LY96: variants seen among roughly 807,000 people sequenced by gnomAD.
LY96 encodes myeloid differentiation protein-2.
In LY96, 18 loss-of-function variants were observed where a neutral mutation model predicts 18.9. The ratio of observed to expected loss-of-function variants is 0.95; its 90% CI spans 0.66 to 1.41. LY96 has a LOEUF of 1.41. Ranked by LOEUF, LY96 falls within the 40% of genes most tolerant of loss-of-function variation. The pLI, the probability that LY96 is intolerant of heterozygous loss-of-function variation, is 0.00. For missense variants in LY96, 175 were observed against 182.4 expected (o/e 0.96, Z 0.23); for synonymous variants, 66 against 62.6 (o/e 1.06, Z -0.26).
chr8:74,034,899 A>T, the LY96 span, among the ~76,000 whole-genome samples: 6 of 152,206 alleles, frequency 3.9e-5, no homozygotes, highest in Non-Finnish European at 8.8e-5. Context: ...ATGCCTAAAC[A>T]GCCAGTAAAA....
chr8:74,015,258 G>A (rs568286475), intron 3 of LY96, among the ~76,000 whole-genome samples: 1 of 152,294 alleles, frequency 6.6e-6, no homozygotes, highest in East Asian at 1.9e-4. Context: ...TGCTGGGGCT[G>A]CTGTTACTAA....
intron 2 of LY96, among the ~76,000 whole-genome samples, chr8:74,008,843 G>A (rs1490081625): frequency 6.6e-6 from 1 of 152,186 alleles, no homozygotes; most frequent in African/African-American, 2.4e-5. Context: ...ATAGATCCTG[G>A]AGAAATCCAG....
At chr8:74,011,009 G>T (rs945968105) in intron 3 of LY96, among the ~76,000 whole-genome samples, 1 of 151,962 alleles carries the variant, frequency 6.6e-6, no homozygotes, top group African/African-American at 2.4e-5. Context: ...GACCTCAGAG[G>T]TGTCAGACTC....
chr8:74,081,038 CTTTCT>C, the LY96 span, among the ~76,000 whole-genome samples: 84 of 110,714 alleles, frequency 7.6e-4, no homozygotes, highest in Middle Eastern at 4.7e-3. Context: ...TTCTTTCTTT[CTTTCT>C]TTCTTTTTCT....
At chr8:73,996,391 TTCTTTC>T (rs1816142386) in intron 1 of LY96, among the ~76,000 whole-genome samples, 1 of 44,470 alleles carries the variant, frequency 2.2e-5, no homozygotes, top group Non-Finnish European at 4.4e-5. Flanking sequence ...CTTTCTTTCT[TTCTTTC>T]TTTCTTTCTT....
chr8:74,094,506 G>A, the LY96 span, among the ~76,000 whole-genome samples: 1 of 152,034 alleles, frequency 6.6e-6, no homozygotes, highest in South Asian at 2.1e-4. Context: ...AATTTTCTTT[G>A]CAATGCCTTC....
the LY96 span, among the ~76,000 whole-genome samples, chr8:74,050,571 G>T: frequency 6.6e-6 from 1 of 152,040 alleles, no homozygotes; most frequent in Non-Finnish European, 1.5e-5. Flanking sequence ...AATGGAAATA[G>T]TATGTGAAAG....
At chr8:74,097,139 A>G in the LY96 span, among the ~76,000 whole-genome samples, 117 of 152,320 alleles carry the variant, frequency 7.7e-4, 1 homozygote, top group African/African-American at 2.8e-3. Flanking sequence ...GCATACTTAA[A>G]ATACAGTGTT....
intron 1 of LY96, 133 bp downstream of exon 1, chr8:73,991,687 A>C: frequency 1.5e-6 from 1 of 645,972 alleles, no homozygotes. Context: ...GGACGCTGCC[A>C]GCAGGAAAAG....
At chr8:74,095,279 A>C in the LY96 span, among the ~76,000 whole-genome samples, 1 of 152,184 alleles carries the variant, frequency 6.6e-6, no homozygotes, top group Non-Finnish European at 1.5e-5. Flanking sequence ...AGAGTCAGTA[A>C]ATTAGCAGCA....
chr8:74,088,089 AGAATAGAAT>A, the LY96 span, among the ~76,000 whole-genome samples: 3 of 88,970 alleles, frequency 3.4e-5, no homozygotes, highest in Non-Finnish European at 4.9e-5. Context: ...AGAGAAGAAT[AGAATAGAAT>A]AGAATAGAAT....
intron 1 of LY96, among the ~76,000 whole-genome samples, chr8:74,002,257 C>A (rs894320985): frequency 6.6e-6 from 1 of 151,460 alleles, no homozygotes; most frequent in Non-Finnish European, 1.5e-5. Flanking sequence ...ATGCCTCAGC[C>A]TCCTGAGTAG....
downstream of LY96, among the ~76,000 whole-genome samples, chr8:74,032,765 AAG>A (rs1288471352): frequency 6.6e-6 from 1 of 152,216 alleles, no homozygotes; most frequent in Non-Finnish European, 1.5e-5. Context: ...TACAGAATGA[AAG>A]AGCTTGATTG....
chr8:74,006,445 G>C (rs372954212), intron 2 of LY96, among the ~76,000 whole-genome samples: 25 of 152,042 alleles, frequency 1.6e-4, no homozygotes, highest in Non-Finnish European at 2.9e-5. Flanking sequence ...TGATCCACCC[G>C]CCTAGGCCTC....
the LY96 span, among the ~76,000 whole-genome samples, chr8:74,083,404 T>TG: frequency 6.6e-6 from 1 of 151,942 alleles, no homozygotes; most frequent in African/African-American, 2.4e-5. Context: ...TTAGTAGAGA[T>TG]GGGGTTTCAC....
At chr8:74,090,099 G>A in the LY96 span, among the ~76,000 whole-genome samples, 1 of 152,118 alleles carries the variant, frequency 6.6e-6, no homozygotes, top group African/African-American at 2.4e-5. Context: ...ACGTTTTAAA[G>A]GACTCCCTCT....
At chr8:74,070,383 G>C in the LY96 span, among the ~76,000 whole-genome samples, 1 of 152,036 alleles carries the variant, frequency 6.6e-6, no homozygotes, top group Admixed American at 6.5e-5. Flanking sequence ...GAGCCACCGC[G>C]CCCGGCCTCC....
At position 74,026,800 on chromosome 8, in the gene LY96, A is replaced by T; in HGVS notation, c.343A>T (p.Thr115Ser). Residue 115 changes from threonine (T) to serine (S), a missense_variant, in exon 4 of 5, where the codon ACA (threonine) becomes TCA (serine). By Grantham distance (58) the Thr-to-Ser change is moderately conservative (BLOSUM62 1). Transcript: ENST00000284818. ...TATTTTGTTTGCAGAGACTGTGAAT[A>T]CAACAATATCATTCTCCTTCAAGGG... ...CRALKGETVN[T>S]TISFSFKGIK... 6.5e-7 allele frequency: 1 copy of T among 1,527,248 alleles called. No homozygotes were observed. Among genetic ancestry groups the T allele is most frequent in the Non-Finnish European group, 9.1e-7 (1 of 1,102,522 alleles). The allele number at this position is 1,527,248 out of a possible 1,614,324, so 94.6% of individuals were successfully genotyped here. A position where few individuals can be genotyped will look rare whatever the true frequency, so the allele number is the denominator to read the frequency against.
At chr8:74,070,953 C>A in the LY96 span, among the ~76,000 whole-genome samples, 1 of 151,952 alleles carries the variant, frequency 6.6e-6, no homozygotes, top group Non-Finnish European at 1.5e-5. Flanking sequence ...TACTGAGTAT[C>A]CAGTGTCAAG....
Sources: allele counts gnomAD v4.1 joint callset (sites outside exome capture counted in the v4.1 genomes callset), GRCh38; gene constraint gnomAD v4.1.1; transcripts MANE v1.5; gene names NCBI Gene and HGNC (gene_info 2026-07-23, HGNC 2026-07-21).